The following LINGO2 variants were observed in gnomAD, a reference collection of about 807,000 sequenced individuals.
LINGO2 encodes the protein leucine-rich repeat and immunoglobulin-like domain-containing nogo receptor-interacting protein 2.
A neutral mutation model predicts 30.6 loss-of-function variants in LINGO2; 14 were observed. The observed-to-expected ratio is 0.46, with a 90% CI of 0.30 to 0.72. The LOEUF (loss-of-function observed/expected upper bound fraction) is 0.72. LINGO2 is among the 30% of genes least tolerant of loss of function. The pLI is 0.07. For missense variants in LINGO2, 729 were observed against 751.7 expected, an observed-to-expected ratio of 0.97 and a Z score of 0.35; for synonymous variants, 317 against 288.5, an observed-to-expected ratio of 1.10 and a Z score of -1.00.
At position 28,148,813 on chromosome 9, in the gene LINGO2, G is replaced by A. The variant is rs968746733; in HGVS notation, c.-86-136408C>T. ...GCTGCTCCCTGTGGCCAGAGAAGGC[G>A]GCCTTGAAGGTGCTGGGTAAAGACC... On this transcript the variant is annotated intron_variant, in intron 4 of 5. Transcript: ENST00000379992. This position sits in a 1 kb window ranked among gnomAD's most constrained non-coding sequence, Gnocchi z 5.1. The A allele has an allele frequency of 3.5e-5, 54 of 1,533,750 alleles. No homozygotes were observed. Among genetic ancestry groups the A allele is most frequent in the Middle Eastern group, 2.3e-4 (1 of 4,380 alleles).
intron 3 of LINGO2, among the ~76,000 whole-genome samples, chr9:28,311,046 T>C (rs749399006): frequency 3.3e-5 from 5 of 152,102 alleles, no homozygotes; most frequent in African/African-American, 4.8e-5. Flanking sequence ...TTTCTCTAAG[T>C]GTCAGCCGGT....
intron 4 of LINGO2, among the ~76,000 whole-genome samples, chr9:28,170,710 A>G (rs1445919924): frequency 6.6e-6 from 1 of 152,184 alleles, no homozygotes; most frequent in Non-Finnish European, 1.5e-5. Flanking sequence ...TGCTTTTTCC[A>G]GCTTCAAGAG....
chr9:28,234,397 T>C (rs1476567896), intron 4 of LINGO2, among the ~76,000 whole-genome samples: 1 of 152,168 alleles, frequency 6.6e-6, no homozygotes, highest in African/African-American at 2.4e-5. Context: ...ATGGGTAATA[T>C]TGAGTGTCAA....
intron 4 of LINGO2, among the ~76,000 whole-genome samples, chr9:28,173,830 G>C (rs1016471138): frequency 6.6e-6 from 1 of 152,150 alleles, no homozygotes; most frequent in Admixed American, 6.5e-5. Flanking sequence ...TGAGCCACTG[G>C]AATTTTCCCA....
At chr9:28,922,212 T>C in the LINGO2 span, among the ~76,000 whole-genome samples, 2 of 152,182 alleles carry the variant, frequency 1.3e-5, no homozygotes, top group South Asian at 2.1e-4. Flanking sequence ...ACAATGAACA[T>C]TGCAATTATC....
At chr9:28,016,597 T>A (rs1389672589) in intron 4 of LINGO2, among the ~76,000 whole-genome samples, 1 of 149,228 alleles carries the variant, frequency 6.7e-6, no homozygotes, top group Non-Finnish European at 1.5e-5. Flanking sequence ...AATGGATAAA[T>A]CTCTGGAAAT....
the LINGO2 span, among the ~76,000 whole-genome samples, chr9:29,025,180 A>G: frequency 3.7e-3 from 561 of 152,184 alleles, 2 homozygotes; most frequent in African/African-American, 0.013. Flanking sequence ...AAAACAAGGA[A>G]TAAGTTGGAA....
At chr9:29,037,848 A>C in the LINGO2 span, among the ~76,000 whole-genome samples, 1 of 152,158 alleles carries the variant, frequency 6.6e-6, no homozygotes, top group South Asian at 2.1e-4. Flanking sequence ...TAAACAATTT[A>C]ACAATATTCA....
At chr9:28,490,947 GA>G (rs1056118609) in intron 1 of LINGO2, among the ~76,000 whole-genome samples, 29 of 152,022 alleles carry the variant, frequency 1.9e-4, no homozygotes, top group African/African-American at 6.7e-4. Context: ...TTAAAATCTG[GA>G]AAAAAATACA....
intron 4 of LINGO2, among the ~76,000 whole-genome samples, chr9:28,096,652 G>A (rs958099933): frequency 3.3e-5 from 5 of 152,146 alleles, no homozygotes; most frequent in Non-Finnish European, 5.9e-5. Context: ...GTGCTGATCC[G>A]GTGTCTTTTA....
chr9:28,914,536 T>A, the LINGO2 span, among the ~76,000 whole-genome samples: 1 of 152,190 alleles, frequency 6.6e-6, no homozygotes, highest in Non-Finnish European at 1.5e-5. Flanking sequence ...TAACTACAGC[T>A]GATCCTTGAA....
At chr9:28,752,093 C>A in the LINGO2 span, among the ~76,000 whole-genome samples, 2 of 151,846 alleles carry the variant, frequency 1.3e-5, no homozygotes, top group Non-Finnish European at 2.9e-5. Flanking sequence ...TTAATAAAAT[C>A]CCATAATAAG....
At chr9:29,156,980 C>T in the LINGO2 span, among the ~76,000 whole-genome samples, 1 of 151,876 alleles carries the variant, frequency 6.6e-6, no homozygotes, top group Non-Finnish European at 1.5e-5. Context: ...ATAACTTACG[C>T]AAGCAAAGTA....
chr9:28,008,317 C>A (rs989472920), intron 5 of LINGO2, among the ~76,000 whole-genome samples: 3 of 151,936 alleles, frequency 2.0e-5, no homozygotes, highest in African/African-American at 7.3e-5. Flanking sequence ...ATCTATTTAC[C>A]TATGTTATAC....
At chr9:28,604,882 C>T (rs1158189772) in intron 1 of LINGO2, among the ~76,000 whole-genome samples, 3 of 151,952 alleles carry the variant, frequency 2.0e-5, no homozygotes, top group Non-Finnish European at 4.4e-5. Context: ...TGAGCACTTT[C>T]TACATGTGCA....
At chr9:29,131,573 A>C in the LINGO2 span, among the ~76,000 whole-genome samples, 2 of 152,208 alleles carry the variant, frequency 1.3e-5, no homozygotes, top group East Asian at 3.9e-4. Flanking sequence ...CGTTTCTGGA[A>C]TTGCATCCAC....
At chr9:28,396,446 T>A (rs1467086358) in intron 2 of LINGO2, among the ~76,000 whole-genome samples, 1 of 152,248 alleles carries the variant, frequency 6.6e-6, no homozygotes, top group African/African-American at 2.4e-5. Context: ...GGCTCATGCC[T>A]GTAATCCCAG....
At chr9:29,175,656 A>T in the LINGO2 span, among the ~76,000 whole-genome samples, 3 of 150,964 alleles carry the variant, frequency 2.0e-5, no homozygotes, top group African/African-American at 7.3e-5. Flanking sequence ...TCTCCTGAGT[A>T]GCTGGGATTG....
the LINGO2 span, among the ~76,000 whole-genome samples, chr9:28,874,624 G>C: frequency 6.6e-6 from 1 of 151,942 alleles, no homozygotes; most frequent in Non-Finnish European, 1.5e-5. Flanking sequence ...ATCTTCAGTG[G>C]TGGAACCAGG....
Sources: allele counts gnomAD v4.1 joint callset (sites outside exome capture counted in the v4.1 genomes callset), GRCh38; gene constraint gnomAD v4.1.1; non-coding constraint Gnocchi (gnomAD v3.1); transcripts MANE v1.5; gene names NCBI Gene and HGNC (gene_info 2026-07-23, HGNC 2026-07-21).